Variants in KIF1B observed in about 807,000 individuals in gnomAD.
The protein encoded by KIF1B is kinesin-like protein KIF1B.
In KIF1B, 76 loss-of-function variants were observed where a neutral mutation model predicts 241.9. The observed-to-expected ratio is 0.31, with a 90% CI of 0.26 to 0.38. The LOEUF (loss-of-function observed/expected upper bound fraction) is 0.38. Ranked by LOEUF, KIF1B falls within the 10% of genes least tolerant of loss-of-function variation. The probability of loss-of-function intolerance (pLI) is 1.00; values close to 1 mark genes in which losing one functional copy is unlikely to be tolerated. For missense variants in KIF1B, 1,622 were observed against 2,271.4 expected, an observed-to-expected ratio of 0.71 and a Z score of 5.81; for synonymous variants, 750 against 796.7, an observed-to-expected ratio of 0.94 and a Z score of 0.99.
chr1:10,237,055 A>G (rs1647066712), intron 2 of KIF1B, among the ~76,000 whole-genome samples: 1 of 152,214 alleles, frequency 6.6e-6, no homozygotes, highest in African/African-American at 2.4e-5. Flanking sequence ...AAAGTAGAAG[A>G]GTATGAAGAG....
chr1:10,227,159 C>G (rs1313595373), intron 1 of KIF1B, among the ~76,000 whole-genome samples: 1 of 151,386 alleles, frequency 6.6e-6, no homozygotes, highest in Non-Finnish European at 1.5e-5. Flanking sequence ...CCTCAGCCTC[C>G]CAAGTAGCTG....
chr1:10,372,056 C>T (rs535570100), intron 45 of KIF1B, among the ~76,000 whole-genome samples: 1 of 152,304 alleles, frequency 6.6e-6, no homozygotes, highest in Non-Finnish European at 1.5e-5. Context: ...TTATCATCCA[C>T]CTGTCTATCT....
In KIF1B at chr1:10,365,615, C is replaced by G. The variant is rs1638549219; in HGVS notation, c.4719C>G (p.Ser1573Arg). 3.1e-6 allele frequency: 5 copies of G among 1,614,152 alleles called. No homozygotes were observed. The highest frequency in any genetic ancestry group is 4.2e-6 in the Non-Finnish European group (5 of 1,180,032). The part of the protein sequence containing the change: ...SSGYDSGDIE[S>R]LVDREKELAT... Reference sequence around the variant, plus strand: ...GCTATGATTCAGGAGACATCGAAAGCCTGGTGGACCGAGAGAAAGAGCTGG... The same window carrying G: ...GCTATGATTCAGGAGACATCGAAAGGCTGGTGGACCGAGAGAAAGAGCTGG... The change falls in exon 43 of 49, where the codon AGC (serine) becomes AGG (arginine). Residue 1573 changes from serine to arginine, a missense_variant. Transcript: ENST00000676179. This position sits in a 1 kb window ranked among gnomAD's most constrained non-coding sequence, Gnocchi z 4.0.
intron 27 of KIF1B, among the ~76,000 whole-genome samples, chr1:10,331,916 A>T (rs1379823483): frequency 6.6e-6 from 1 of 152,230 alleles, no homozygotes; most frequent in African/African-American, 2.4e-5. Context: ...TACAAATGTG[A>T]TAGGACTTTG....
At chr1:10,227,927 G>GT (rs1329864715) in intron 1 of KIF1B, 2 of 154,276 alleles carry the variant, frequency 1.3e-5, no homozygotes, top group African/African-American at 2.4e-5. Context: ...GCTCACACCT[G>GT]TAATCCTAGC....
chr1:10,278,881 A>G, intron 13 of KIF1B: 1 of 480,074 alleles, frequency 2.1e-6, no homozygotes, highest in Non-Finnish European at 3.7e-6. Context: ...ATATTCCTTG[A>G]AGTTCTAATA....
intron 22 of KIF1B, among the ~76,000 whole-genome samples, chr1:10,318,786 T>G (rs933121415): frequency 6.6e-6 from 1 of 152,192 alleles, no homozygotes; most frequent in African/African-American, 2.4e-5. Context: ...TAATTTAGTA[T>G]TGCGCTGTTT....
chr1:10,284,135 A>T (rs187734543), intron 15 of KIF1B, among the ~76,000 whole-genome samples: 28 of 152,284 alleles, frequency 1.8e-4, no homozygotes, highest in African/African-American at 6.5e-4. Flanking sequence ...GTACTTTGGG[A>T]GGCTGAGGCA....
At chr1:10,361,348 A>G (rs1638415522) in intron 39 of KIF1B, among the ~76,000 whole-genome samples, 1 of 152,208 alleles carries the variant, frequency 6.6e-6, no homozygotes, top group South Asian at 2.1e-4. Context: ...AGTTGTGGAC[A>G]GAGTGTAATA....
chr1:10,269,743 G>T (rs753790750), intron 7 of KIF1B, among the ~76,000 whole-genome samples: 1 of 152,034 alleles, frequency 6.6e-6, no homozygotes, highest in African/African-American at 2.4e-5. Context: ...GCTTGAACCT[G>T]GGAGGCAGAG....
chr1:10,261,405 G>A (rs1224121536), intron 4 of KIF1B, among the ~76,000 whole-genome samples: 1 of 151,608 alleles, frequency 6.6e-6, no homozygotes, highest in Non-Finnish European at 1.5e-5. Flanking sequence ...AGAATAGCTG[G>A]GACTATTTTT....
intron 22 of KIF1B, among the ~76,000 whole-genome samples, chr1:10,318,074 AT>A (rs554815412): frequency 3.3e-5 from 5 of 150,596 alleles, no homozygotes; most frequent in South Asian, 2.1e-4. Context: ...TACCAGTTTA[AT>A]TTTTTTTTCT....
chr1:10,298,294 G>T (rs181595517), intron 22 of KIF1B, among the ~76,000 whole-genome samples: 3 of 152,292 alleles, frequency 2.0e-5, no homozygotes, highest in Admixed American at 6.5e-5. Flanking sequence ...CAGCCTTCTA[G>T]TCATGCTCTG....
At chr1:10,282,230 C>G in intron 14 of KIF1B, 92 bp from the exon 15 acceptor site, 1 of 1,037,902 alleles carries the variant, frequency 9.6e-7, no homozygotes, top group South Asian at 1.4e-5. Context: ...GCTGTCCTTT[C>G]TTACAACGAT....
chr1:10,275,533 T>G (rs754095528), intron 11 of KIF1B, 30 bp downstream of exon 11: 2 of 1,174,304 alleles, frequency 1.7e-6, no homozygotes, highest in Admixed American at 3.4e-5. Context: ...AAAGTAGTTA[T>G]CTTTTTAACT....
chr1:10,332,159 G>A (rs1042098259), intron 27 of KIF1B, among the ~76,000 whole-genome samples: 9 of 152,036 alleles, frequency 5.9e-5, no homozygotes, highest in African/African-American at 1.4e-4. Flanking sequence ...TCACCTCCTG[G>A]GTTCAAGCGA....
chr1:10,337,345 C>G lies in KIF1B; in HGVS notation c.3260-26C>G, dbSNP rs1652218159. ...CTCCTCTTTGCATTATTTGAACCAT[C>G]TGTGTCTTCATTTGACCCTCTTTAG... On this transcript the variant is annotated intron_variant, in intron 30 of 48. Transcript: ENST00000676179. The surrounding 1 kb of genome is among the most constrained non-coding windows in gnomAD (Gnocchi z 4.0). 1 of 1,614,160 alleles carries G rather than the reference C, an allele frequency of 6.2e-7. No homozygotes were observed. Among genetic ancestry groups the G allele is most frequent in the African/African-American group, 1.3e-5 (1 of 75,048 alleles).
At chr1:10,264,574 C>T (rs1296986072) in intron 5 of KIF1B, among the ~76,000 whole-genome samples, 2 of 152,164 alleles carry the variant, frequency 1.3e-5, no homozygotes, top group Non-Finnish European at 2.9e-5. Context: ...GAAGAATCAT[C>T]TCACTTTCTA....
At chr1:10,271,626 C>T (rs781328713) in intron 8 of KIF1B, 47 bp downstream of exon 8, 1 of 1,233,838 alleles carries the variant, frequency 8.1e-7, no homozygotes, top group South Asian at 1.2e-5. Context: ...ATGGCCACTA[C>T]CTGTTTTTGT....
Sources: allele counts gnomAD v4.1 joint callset (sites outside exome capture counted in the v4.1 genomes callset), GRCh38; gene constraint gnomAD v4.1.1; non-coding constraint Gnocchi (gnomAD v3.1); transcripts MANE v1.5; gene names NCBI Gene and HGNC (gene_info 2026-07-23, HGNC 2026-07-21).